MBNL2: variants seen among roughly 807,000 people sequenced by gnomAD.
MBNL2 encodes the protein muscleblind like splicing regulator 2.
Under a neutral mutation model 41.9 loss-of-function variants are expected in MBNL2, and 17 were observed. That is an observed-to-expected ratio of 0.41 (90% CI 0.28 to 0.61). MBNL2 has a LOEUF of 0.61. Ranked by LOEUF, MBNL2 falls within the 20% of genes least tolerant of loss-of-function variation. The pLI, the probability that MBNL2 is intolerant of heterozygous loss-of-function variation, is 0.35. For synonymous variants in MBNL2, 195 were observed against 182.9 expected (o/e 1.07, Z -0.53); for missense variants, 336 against 505.6 (o/e 0.66, Z 3.22).
intron 2 of MBNL2, among the ~76,000 whole-genome samples, chr13:97,324,500 G>A (rs114660079): frequency 6.6e-6 from 1 of 152,188 alleles, no homozygotes; most frequent in African/African-American, 2.4e-5. Flanking sequence ...AATGAATGTG[G>A]TATCAAAAAA....
chr13:97,175,689 G>T, the MBNL2 span, among the ~76,000 whole-genome samples: 4 of 152,138 alleles, frequency 2.6e-5, no homozygotes, highest in Non-Finnish European at 4.4e-5. Flanking sequence ...TTACAAACTT[G>T]TATTGCCACC....
the MBNL2 span, among the ~76,000 whole-genome samples, chr13:97,182,145 A>G: frequency 6.6e-6 from 1 of 152,182 alleles, no homozygotes; most frequent in Non-Finnish European, 1.5e-5. Flanking sequence ...TGCTGCCACA[A>G]AAGTGGAAGG....
At chr13:97,308,332 A>T (rs1020787605) in intron 2 of MBNL2, among the ~76,000 whole-genome samples, 1 of 152,252 alleles carries the variant, frequency 6.6e-6, no homozygotes, top group Non-Finnish European at 1.5e-5. Context: ...AAGGGTAATT[A>T]ACACATCTCT....
chr13:97,169,006 C>G, the MBNL2 span, among the ~76,000 whole-genome samples: 3 of 152,142 alleles, frequency 2.0e-5, no homozygotes, highest in Non-Finnish European at 2.9e-5. Flanking sequence ...GAGCCTAGAC[C>G]TGCAGCTGTG....
intron 4 of MBNL2, among the ~76,000 whole-genome samples, chr13:97,344,681 C>T (rs1193510614): frequency 3.3e-5 from 5 of 152,216 alleles, no homozygotes; most frequent in Admixed American, 1.3e-4. Flanking sequence ...TTGTCAATTA[C>T]TGAATAGACC....
intron 2 of MBNL2, among the ~76,000 whole-genome samples, chr13:97,284,995 A>G (rs1594149285): frequency 6.6e-6 from 1 of 152,324 alleles, no homozygotes; most frequent in East Asian, 1.9e-4. Flanking sequence ...TTATGAAACC[A>G]TTTATTATTA....
At chr13:97,219,956 T>A (rs1191851494), upstream of MBNL2, among the ~76,000 whole-genome samples, 1 of 152,204 alleles carries the variant, frequency 6.6e-6, no homozygotes, top group African/African-American at 2.4e-5. Flanking sequence ...AGTGAAACAT[T>A]TCTAAATATT....
rs192074052 is a variant in MBNL2, at chr13:97,320,346, G to A, written c.175-13930G>A. Among the ~76,000 whole-genome samples the A allele has an allele frequency of 8.8e-4, 130 of 148,402 alleles. 1 individual carries two copies. Among genetic ancestry groups the A allele is most frequent in the Non-Finnish European group, 1.5e-3 (103 of 67,464 alleles). On this transcript the variant is annotated intron_variant, in intron 2 of 8. Transcript: ENST00000679496. ...GCGATCTCGGCTCACTGCAACCTCC[G>A]CCTCCCGGGTTCAAGAGATTCTGCC...
chr13:97,340,946 A>T (rs2061397066), intron 3 of MBNL2, among the ~76,000 whole-genome samples: 1 of 152,068 alleles, frequency 6.6e-6, no homozygotes, highest in Non-Finnish European at 1.5e-5. Flanking sequence ...GCAAAGTACA[A>T]CCCGTATTTA....
chr13:97,215,847 T>C, the MBNL2 span, among the ~76,000 whole-genome samples: 3 of 152,200 alleles, frequency 2.0e-5, no homozygotes, highest in African/African-American at 4.8e-5. Context: ...TATCACTTTT[T>C]TGGCATACAG....
intron 2 of MBNL2, among the ~76,000 whole-genome samples, chr13:97,316,162 C>T (rs2059032857): frequency 6.6e-6 from 1 of 152,204 alleles, no homozygotes; most frequent in Admixed American, 6.5e-5. Context: ...ACAAAAATCC[C>T]CTTCCAGGGG....
the MBNL2 span, among the ~76,000 whole-genome samples, chr13:97,197,490 T>C: frequency 1.3e-5 from 2 of 152,246 alleles, no homozygotes; most frequent in Non-Finnish European, 2.9e-5. Flanking sequence ...CTCAAAGTTC[T>C]CTGCTATAAC....
At chr13:97,311,244 G>T (rs2058585170) in intron 2 of MBNL2, among the ~76,000 whole-genome samples, 2 of 152,194 alleles carry the variant, frequency 1.3e-5, no homozygotes, top group South Asian at 4.1e-4. Context: ...CACAATGCCG[G>T]CATTGTAAAC....
At chr13:97,231,216 C>T (rs537144173) in intron 1 of MBNL2, among the ~76,000 whole-genome samples, 20 of 152,286 alleles carry the variant, frequency 1.3e-4, no homozygotes, top group Admixed American at 4.6e-4. Context: ...AGATTGATGC[C>T]GTCACACCAG....
Position 97,390,574 on chromosome 13 carries a change from G to A in MBNL2, c.1049-748G>A, listed in dbSNP as rs140763715. On this transcript the variant is annotated intron_variant, in intron 8 of 8. Transcript: ENST00000679496. Reference sequence around the variant, plus strand: ...TGACATTTAATGGATTGGACCACACGGGCCAAGTTCCTTCTCCTTTGCAAA... The same window carrying A: ...TGACATTTAATGGATTGGACCACACAGGCCAAGTTCCTTCTCCTTTGCAAA... Among the ~76,000 whole-genome samples the A allele has an allele frequency of 1.5e-3, 230 of 152,210 alleles. 2 individuals are homozygous for A. Among genetic ancestry groups the A allele is most frequent in the African/African-American group, 5.2e-3 (217 of 41,544 alleles).
At position 97,346,820 on chromosome 13, in the gene MBNL2, A is replaced by T; in HGVS notation, c.557A>T (p.Gln186Leu). ...CTGTCTTAGGTATGCAGGGAGTTCC[A>T]GCGAGGAAACTGTGCCCGGGGAGAG... Reference protein sequence around the residue: ...TDKLEVCREFQRGNCARGETD... With the variant: ...TDKLEVCREFLRGNCARGETD... The change falls in exon 5 of 9, where the codon CAG becomes CTG. Residue 186 changes from glutamine to leucine, a missense_variant. By Grantham distance (113) the Gln-to-Leu change is moderately radical (BLOSUM62 -2). Coordinates refer to ENST00000679496, the MANE Select transcript of MBNL2 (RefSeq NM_001382683.1). This position sits in a 1 kb window ranked among gnomAD's most constrained non-coding sequence, Gnocchi z 4.2. 1 of 1,613,966 alleles carries T rather than the reference A, an allele frequency of 6.2e-7. No individual in the cohort carries two copies. The highest frequency in any genetic ancestry group is 1.1e-5 in the South Asian group (1 of 91,076).
chr13:97,187,092 C>A, the MBNL2 span, among the ~76,000 whole-genome samples: 1 of 152,154 alleles, frequency 6.6e-6, no homozygotes, highest in African/African-American at 2.4e-5. Context: ...TCTTGGAGAT[C>A]CCACCTGATC....
chr13:97,338,385 A>C (rs1202929946), intron 3 of MBNL2, among the ~76,000 whole-genome samples: 1 of 152,176 alleles, frequency 6.6e-6, no homozygotes, highest in Admixed American at 6.5e-5. Context: ...TTATCCATAC[A>C]AATGAACTGT....
At chr13:97,226,571 T>A (rs1328833) in intron 1 of MBNL2, among the ~76,000 whole-genome samples, 83,377 of 151,978 alleles carry the variant, frequency 0.55, 23,586 homozygotes, top group Non-Finnish European at 0.62. Flanking sequence ...TAATTTAGCA[T>A]TGTTAACCAT....
Sources: gnomAD v4.1 joint callset for allele counts (sites outside exome capture counted in the v4.1 genomes callset) on GRCh38, gnomAD v4.1.1 for gene constraint, Gnocchi (gnomAD v3.1) non-coding constraint, MANE v1.5 for transcripts, NCBI Gene and HGNC (gene_info 2026-07-23, HGNC 2026-07-21) for gene names.